Variants in DNMT1 observed in about 807,000 individuals in gnomAD.
DNMT1 encodes the protein DNA (cytosine-5)-methyltransferase 1.
Under a neutral mutation model 205.3 loss-of-function variants are expected in DNMT1, and 24 were observed. That is an observed-to-expected ratio of 0.12 (90% CI 0.08 to 0.16). The LOEUF is 0.16. Among genes scored for constraint, DNMT1 ranks in the 10% least tolerant of loss-of-function variants. The probability of loss-of-function intolerance (pLI) is 1.00; values close to 1 mark genes in which losing one functional copy is unlikely to be tolerated. For synonymous variants in DNMT1, 817 were observed against 839.8 expected, an observed-to-expected ratio of 0.97 and a Z score of 0.47; for missense variants, 1,293 against 2,177.7, an observed-to-expected ratio of 0.59 and a Z score of 8.09.
chr19:10,183,065 G>A (rs2039105718), intron 1 of DNMT1, among the ~76,000 whole-genome samples: 5 of 128,512 alleles, frequency 3.9e-5, no homozygotes, highest in East Asian at 6.7e-4. Context: ...ACGTATATAT[G>A]TATACATATG....
chr19:10,192,847 G>C (rs1252303016), intron 1 of DNMT1, among the ~76,000 whole-genome samples: 2 of 152,102 alleles, frequency 1.3e-5, no homozygotes, highest in Non-Finnish European at 2.9e-5. Context: ...AGGAGTTCGA[G>C]ACCAGCCTGA....
chr19:10,165,360 A>G (rs1443638609), intron 11 of DNMT1, among the ~76,000 whole-genome samples: 3 of 152,136 alleles, frequency 2.0e-5, no homozygotes, highest in African/African-American at 7.2e-5. Context: ...ACAGCCAACA[A>G]TCCTTGTTCT....
intron 8 of DNMT1, 130 bp from the exon 9 acceptor site, chr19:10,173,304 T>G: frequency 1.2e-6 from 1 of 845,078 alleles, no homozygotes; most frequent in Non-Finnish European, 2.0e-6. Context: ...AGACACATAC[T>G]CATTTAACAT....
Position 10,138,552 on chromosome 19 carries a change from C to A in DNMT1, c.4002G>T (p.Ala1334=). 1 of 1,611,060 alleles carries A rather than the reference C, an allele frequency of 6.2e-7. No homozygotes were observed. The highest frequency in any genetic ancestry group is 8.5e-7 in the Non-Finnish European group (1 of 1,180,024). ...QTRRRAIILA[A]APGEKLPLFP... is the part of the protein sequence containing the mutation. ...ACAGAGGGAGCTTCTCTCCAGGGGCCGCGGCCAGGATGATGGCCCGCCTCC... is the reference window on the plus strand; with the variant it reads ...ACAGAGGGAGCTTCTCTCCAGGGGCAGCGGCCAGGATGATGGCCCGCCTCC... The change falls in exon 35 of 41, where the codon GCG becomes GCT. Residue 1334 remains alanine (A), a synonymous_variant. Coordinates refer to ENST00000359526, the MANE Select transcript of DNMT1 (RefSeq NM_001130823.3). The surrounding 1 kb of genome is among the most constrained non-coding windows in gnomAD (Gnocchi z 4.1).
chr19:10,177,223 G>A (rs2038954007), intron 6 of DNMT1, 69 bp downstream of exon 6: 13 of 1,400,330 alleles, frequency 9.3e-6, no homozygotes, highest in East Asian at 4.6e-5. Context: ...GCCACGTGAC[G>A]CCCTACCAAT....
In DNMT1 at chr19:10,154,902, T is replaced by C; in HGVS notation, c.1644+3A>G. The C allele has an allele frequency of 6.2e-7, 1 of 1,614,234 alleles. No individual in the cohort carries two copies. Among genetic ancestry groups the C allele is most frequent in the Non-Finnish European group, 8.5e-7 (1 of 1,180,042 alleles). On this transcript the variant is annotated splice_donor_region_variant and intron_variant, in intron 20 of 40. Transcript: ENST00000359526. This position sits in a 1 kb window ranked among gnomAD's most constrained non-coding sequence, Gnocchi z 6.3. ...CGGATGCTGAGGACCCTCGATCTCTTACCTCGATCTTGTTGATCAGGTCCT... is the reference window on the plus strand; with the variant it reads ...CGGATGCTGAGGACCCTCGATCTCTCACCTCGATCTTGTTGATCAGGTCCT...
intron 27 of DNMT1, among the ~76,000 whole-genome samples, chr19:10,147,075 A>G (rs1308354382): frequency 6.6e-6 from 1 of 152,126 alleles, no homozygotes. Flanking sequence ...CCTGGCCAAC[A>G]CAGTGAGACC....
At position 10,142,150 on chromosome 19, in the gene DNMT1, C is replaced by T; in HGVS notation, c.3187G>A (p.Glu1063Lys). Reference sequence around the variant, plus strand: ...GCCTTGAAGTCCACCACGGCCTCCTCGTCGCTCCAGTAGAGCAGGTTGATG... The same window carrying T: ...GCCTTGAAGTCCACCACGGCCTCCTTGTCGCTCCAGTAGAGCAGGTTGATG... The part of the protein sequence containing the change: ...ADINLLYWSD[E>K]EAVVDFKAVQ... Residue 1063 changes from glutamate (E) to lysine (K), a missense_variant, in exon 30 of 41, where the codon GAG becomes AAG. Physicochemically the swap from Glu to Lys is moderately conservative, Grantham distance 56. Around this residue, in one of 13 missense-constraint regions of DNMT1, gnomAD observed 167 missense variants for 258.1 expected, o/e 0.65. Coordinates refer to ENST00000359526, the MANE Select transcript of DNMT1 (RefSeq NM_001130823.3). 5.6e-6 allele frequency: 9 copies of T among 1,614,012 alleles called. No homozygotes were observed. The highest frequency in any genetic ancestry group is 7.6e-6 in the Non-Finnish European group (9 of 1,180,028).
At position 10,139,811 on chromosome 19, in the gene DNMT1, G is replaced by A. The variant is rs756845745; in HGVS notation, c.3813C>T (p.Cys1271=). The change falls in exon 34 of 41, where the codon TGC becomes TGT. Residue 1271 remains cysteine (C), a synonymous_variant. Transcript: ENST00000359526. Reference sequence around the variant, plus strand: ...GGAAGAACCGGGGCCGGTAGTAGTCGCAGTAGCTGTAGGGGGCAGGAGAGA... The same window carrying A: ...GGAAGAACCGGGGCCGGTAGTAGTCACAGTAGCTGTAGGGGGCAGGAGAGA... ...NSLVVSFLSY[C]DYYRPRFFLL... is the part of the protein sequence containing the mutation. 169 of 1,579,354 alleles carry A rather than the reference G, an allele frequency of 1.1e-4. 1 individual carries two copies. The highest frequency in any genetic ancestry group is 1.4e-4 in the Non-Finnish European group (159 of 1,162,686).
At chr19:10,192,680 T>A (rs2039325253) in intron 1 of DNMT1, among the ~76,000 whole-genome samples, 1 of 152,200 alleles carries the variant, frequency 6.6e-6, no homozygotes, top group Admixed American at 6.5e-5. Context: ...CCAGGCACTT[T>A]CATAATTTCA....
chr19:10,148,340 C>CA (rs1267258225), intron 27 of DNMT1, among the ~76,000 whole-genome samples: 4 of 147,946 alleles, frequency 2.7e-5, no homozygotes, highest in South Asian at 2.1e-4. Flanking sequence ...ACTAAAAATA[C>CA]AAAAAACTAG....
At chr19:10,167,122 G>C (rs1424570817) in intron 10 of DNMT1, among the ~76,000 whole-genome samples, 1 of 152,076 alleles carries the variant, frequency 6.6e-6, no homozygotes, top group Non-Finnish European at 1.5e-5. Flanking sequence ...CCGCTCAGGT[G>C]GGGTATTCTG....
At position 10,135,814 on chromosome 19, in the gene DNMT1, G is replaced by A. The variant is rs371699788; in HGVS notation, c.4695C>T (p.Ser1565=). 11 of 1,573,052 alleles carry A rather than the reference G, an allele frequency of 7.0e-6. No homozygotes were observed. Among genetic ancestry groups the A allele is most frequent in the African/African-American group, 4.0e-5 (3 of 74,082 alleles). ...VLHPEQHRVV[S]VRECARSQGF... ...CCTGGGAGCGGGCACACTCCCGCAC[G>A]CTCACCACACGGTGCTGCTCTGGGT... Residue 1565 remains serine, a synonymous_variant, in exon 39 of 41, where the codon AGC becomes AGT. Transcript: ENST00000359526.
intron 1 of DNMT1, among the ~76,000 whole-genome samples, chr19:10,182,565 A>C (rs1001485684): frequency 6.7e-6 from 1 of 149,946 alleles, no homozygotes; most frequent in Non-Finnish European, 1.5e-5. Flanking sequence ...ATATATACAC[A>C]CACACACAGC....
chr19:10,181,500 C>A (rs577777963), intron 2 of DNMT1, among the ~76,000 whole-genome samples: 19 of 149,186 alleles, frequency 1.3e-4, no homozygotes, highest in Admixed American at 4.1e-4. Context: ...AAGTTACAAT[C>A]CAGAGTAGAT....
At chr19:10,182,514 CATAT>C (rs772480495) in intron 1 of DNMT1, among the ~76,000 whole-genome samples, 2 of 116,512 alleles carry the variant, frequency 1.7e-5, no homozygotes, top group Non-Finnish European at 3.5e-5. Flanking sequence ...TATATATATA[CATAT>C]ATATGTGTAT....
rs73922331 is a variant in DNMT1 at position 10,145,804 on chromosome 19, C to T, written c.2894+547G>A. On this transcript the variant is annotated intron_variant, in intron 28 of 40. Transcript: ENST00000359526. ...TGGGGGTGGGCCCCCAGCTGTCCCT[C>T]GCGCTTTATCCAGTAAGTTCTTTTT... 4.2e-3 allele frequency among the ~76,000 whole-genome samples: 640 copies of T among 152,184 alleles called. 7 individuals are homozygous for T. Among genetic ancestry groups the T allele is most frequent in the African/African-American group, 0.015 (605 of 41,550 alleles).
rs1419622505 is a variant in DNMT1, at chr19:10,138,012, G to T, written c.4116-3C>A. The stretch of plus-strand genomic sequence containing the variant: ...TCCGGAAAGGACCCGAGCTCAACCT[G>T]CAACAGAGGAGGAGGTCAACACCTC... On this transcript the variant is annotated splice_polypyrimidine_tract_variant and splice_region_variant and intron_variant, in intron 35 of 40. Coordinates refer to ENST00000359526, the MANE Select transcript of DNMT1 (RefSeq NM_001130823.3). The surrounding 1 kb of genome is among the most constrained non-coding windows in gnomAD (Gnocchi z 4.1). 4 of 1,609,396 alleles carry T rather than the reference G, an allele frequency of 2.5e-6. No individual in the cohort carries two copies. The highest frequency in any genetic ancestry group is 3.4e-6 in the Non-Finnish European group (4 of 1,178,186).
intron 30 of DNMT1, chr19:10,141,542 A>G: frequency 2.7e-6 from 1 of 371,232 alleles, no homozygotes; most frequent in Non-Finnish European, 5.1e-6. Context: ...CGGAAAGGCC[A>G]AGCCCCAACA....
Sources: allele counts gnomAD v4.1 joint callset (sites outside exome capture counted in the v4.1 genomes callset), GRCh38; gene constraint gnomAD v4.1.1; regional missense constraint gnomAD v4.1.1; non-coding constraint Gnocchi (gnomAD v3.1); transcripts MANE v1.5; gene names NCBI Gene and HGNC (gene_info 2026-07-23, HGNC 2026-07-21).